Variants in MAK observed in about 807,000 individuals in gnomAD.
MAK encodes serine/threonine-protein kinase MAK.
A neutral mutation model predicts 82.6 loss-of-function variants in MAK; 65 were observed. The observed-to-expected ratio is 0.79, with a 90% confidence interval of 0.64 to 0.97. The LOEUF (loss-of-function observed/expected upper bound fraction) is 0.97. Ranked by LOEUF, MAK falls within the 50% of genes least tolerant of loss-of-function variation. The probability of loss-of-function intolerance (pLI) is 0.00; values close to 1 mark genes in which losing one functional copy is unlikely to be tolerated. For missense variants in MAK, 703 were observed against 780.2 expected (o/e 0.90, Z 1.18); for synonymous variants, 250 against 274.2 (o/e 0.91, Z 0.87).
chr6:10,814,012 C>T (rs908940472), intron 4 of MAK, among the ~76,000 whole-genome samples: 4 of 151,656 alleles, frequency 2.6e-5, no homozygotes, highest in African/African-American at 9.7e-5. Flanking sequence ...CTTTGTTGCA[C>T]AGGCTGGAGT....
chr6:10,807,989 A>C (rs1366828056), intron 6 of MAK, among the ~76,000 whole-genome samples: 1 of 151,926 alleles, frequency 6.6e-6, no homozygotes, highest in Non-Finnish European at 1.5e-5. Flanking sequence ...AATCACTTGA[A>C]ACCGGGAGGC....
intron 10 of MAK, among the ~76,000 whole-genome samples, chr6:10,790,439 C>A (rs1013005055): frequency 6.6e-6 from 1 of 151,980 alleles, no homozygotes; most frequent in African/African-American, 2.4e-5. Context: ...AAGTATCTTT[C>A]CAAAATATTC....
intron 2 of MAK, among the ~76,000 whole-genome samples, chr6:10,822,134 G>C (rs9467643): frequency 3.4e-5 from 4 of 116,214 alleles, no homozygotes; most frequent in Admixed American, 9.8e-5. Context: ...GCAACAGAGC[G>C]AGACTCCGTC....
chr6:10,817,818 AATAAC>A (rs1343115223), intron 4 of MAK, 27 bp downstream of exon 4: 2 of 1,455,450 alleles, frequency 1.4e-6, no homozygotes, highest in Middle Eastern at 1.8e-4. Context: ...TCATGGAGAG[AATAAC>A]AGGGAAAAAC....
At chr6:10,782,769 G>A (rs1053979052) in intron 11 of MAK, among the ~76,000 whole-genome samples, 1 of 151,864 alleles carries the variant, frequency 6.6e-6, no homozygotes, top group East Asian at 1.9e-4. Context: ...GTAGAGACGG[G>A]GTTTCACCAT....
At chr6:10,832,137 C>T (rs1303332499) in intron 1 of MAK, among the ~76,000 whole-genome samples, 1 of 152,146 alleles carries the variant, frequency 6.6e-6, no homozygotes, top group Non-Finnish European at 1.5e-5. Flanking sequence ...AGGTGCGCAC[C>T]ACCACACCTG....
chr6:10,820,200 A>G (rs1385800778), intron 2 of MAK, among the ~76,000 whole-genome samples: 1 of 152,232 alleles, frequency 6.6e-6, no homozygotes, highest in Non-Finnish European at 1.5e-5. Flanking sequence ...GTGAAAAAGA[A>G]AAACCAAATA....
At chr6:10,785,844 T>C (rs1774488384) in intron 10 of MAK, among the ~76,000 whole-genome samples, 1 of 152,252 alleles carries the variant, frequency 6.6e-6, no homozygotes, top group Non-Finnish European at 1.5e-5. Context: ...ATATATTTGA[T>C]GAGTTGAAGA....
At chr6:10,790,707 C>T (rs560436474) in intron 10 of MAK, among the ~76,000 whole-genome samples, 1 of 152,336 alleles carries the variant, frequency 6.6e-6, no homozygotes, top group South Asian at 2.1e-4. Context: ...TTGTCATTCA[C>T]AAGAGCATCG....
intron 1 of MAK, among the ~76,000 whole-genome samples, chr6:10,833,606 AAATAATAATAATAAT>A (rs36209814): frequency 5.4e-5 from 8 of 147,798 alleles, no homozygotes; most frequent in Admixed American, 3.4e-4. Flanking sequence ...CTCTGTCTCA[AAATAATAATAATAAT>A]AATAATAATA....
At position 10,764,207 on chromosome 6, in the gene MAK, G is replaced by T; in HGVS notation, c.*245C>A. The T allele has an allele frequency of 6.6e-6, 3 of 457,846 alleles. No individual in the cohort carries two copies. Among genetic ancestry groups the T allele is most frequent in the South Asian group, 3.4e-5 (1 of 29,568 alleles). 28.4% of individuals were successfully genotyped at this position (457,846 alleles called of 1,614,324 possible). A position where few individuals can be genotyped will look rare whatever the true frequency, so the allele number is the denominator to read the frequency against. Reference sequence around the variant, plus strand: ...TGTAGATCAAATACTTCATACTTTGGCAAATAGTTTATTCAATACTTTGTA... The same window carrying T: ...TGTAGATCAAATACTTCATACTTTGTCAAATAGTTTATTCAATACTTTGTA... On this transcript the variant is annotated 3_prime_UTR_variant, in exon 15 of 15. Transcript: ENST00000354489.
intron 13 of MAK, among the ~76,000 whole-genome samples, chr6:10,772,166 GA>G (rs1043755900): frequency 1.3e-5 from 2 of 152,030 alleles, no homozygotes; most frequent in Non-Finnish European, 2.9e-5. Context: ...AGTTGTTAGG[GA>G]AAAAACATGA....
rs77870605 is a variant in MAK at position 10,819,271 on chromosome 6, A to C, written c.102-331T>G. On this transcript the variant is annotated intron_variant, in intron 2 of 14. Transcript: ENST00000354489. Reference sequence around the variant, plus strand: ...TTTTTAGAACTTAAGAGGCCCATAAAGTTAAATGTCTCCCTACTTAAATGA... The same window carrying C: ...TTTTTAGAACTTAAGAGGCCCATAACGTTAAATGTCTCCCTACTTAAATGA... Among the ~76,000 whole-genome samples the C allele has an allele frequency of 2.2e-3, 330 of 152,360 alleles. 1 individual carries two copies. Among genetic ancestry groups the C allele is most frequent in the African/African-American group, 7.6e-3 (316 of 41,582 alleles).
chr6:10,767,800 A>C (rs9467498), intron 14 of MAK, among the ~76,000 whole-genome samples: 7,753 of 150,606 alleles, frequency 0.051, 603 homozygotes, highest in African/African-American at 0.17. Flanking sequence ...CAAAAAAAAA[A>C]AAAAAAAAAA....
chr6:10,804,563 G>A (rs937874834), intron 6 of MAK, among the ~76,000 whole-genome samples: 4 of 152,064 alleles, frequency 2.6e-5, no homozygotes, highest in African/African-American at 4.8e-5. Flanking sequence ...GGCTGGTCTC[G>A]AACTCCTGAC....
chr6:10,815,912 G>GTATA (rs3064109), intron 4 of MAK, among the ~76,000 whole-genome samples: 2,850 of 107,828 alleles, frequency 0.026, 52 homozygotes, highest in Admixed American at 0.044. Context: ...GCTTTATACA[G>GTATA]TATATATATA....
intron 8 of MAK, among the ~76,000 whole-genome samples, chr6:10,801,104 AG>A (rs745922212): frequency 6.6e-6 from 1 of 152,058 alleles, no homozygotes; most frequent in Non-Finnish European, 1.5e-5. Flanking sequence ...TGATGGGGCA[AG>A]CTGTCCATCC....
rs908121794 is a variant in MAK, at chr6:10,784,452, G to A, written c.1437C>T (p.Tyr479=). 1.2e-6 allele frequency: 2 copies of A among 1,614,030 alleles called. No homozygotes were observed. Among genetic ancestry groups the A allele is most frequent in the African/African-American group, 1.3e-5 (1 of 74,908 alleles). ...GAAGATATCTTGATTGTTTCAAGTA[G>A]TACTGTTTAGAGGTTGGAGCAGTTG... ...ELSTAPTSKQ[Y]YLKQSRYLPG... is the part of the protein sequence containing the mutation. The change falls in exon 11 of 15, where the codon TAC becomes TAT. Residue 479 remains tyrosine (Y), a synonymous_variant. Coordinates refer to ENST00000354489, the MANE Select transcript of MAK (RefSeq NM_001242957.3).
intron 11 of MAK, among the ~76,000 whole-genome samples, chr6:10,782,559 A>T (rs897716386): frequency 2.0e-5 from 3 of 150,358 alleles, no homozygotes; most frequent in African/African-American, 7.3e-5. Context: ...ACTAACAGCA[A>T]GAGAGGGTCC....
Sources: gnomAD v4.1 joint callset for allele counts (sites outside exome capture counted in the v4.1 genomes callset) on GRCh38, gnomAD v4.1.1 for gene constraint, MANE v1.5 for transcripts, NCBI Gene and HGNC (gene_info 2026-07-23, HGNC 2026-07-21) for gene names.